Variants in POLA1 observed in about 807,000 individuals in gnomAD.
POLA1 encodes DNA polymerase alpha 1, catalytic subunit.
Under a neutral mutation model 124.0 loss-of-function variants are expected in POLA1, and 15 were observed. The ratio of observed to expected loss-of-function variants is 0.12; its 90% CI spans 0.08 to 0.19. The LOEUF is 0.19. POLA1 is among the 10% of genes least tolerant of loss of function. The pLI is 1.00. For synonymous variants in POLA1, 408 were observed against 389.4 expected (o/e 1.05, Z -0.56); for missense variants, 886 against 1,103.4 (o/e 0.80, Z 2.79).
chrX:24,908,081 T>C (rs1440467905), intron 35 of POLA1, among the ~76,000 whole-genome samples: 1 of 110,492 alleles, frequency 9.1e-6, no homozygotes, highest in African/African-American at 3.3e-5. Flanking sequence ...TTTGCAATGT[T>C]CAAATAACCA....
In POLA1 at chrX:24,723,234, C is replaced by A. The variant is rs11573338; in HGVS notation, c.1167C>A (p.Ile389=). Reference sequence around the variant, plus strand: ...GCTGTTGTGTCATGGTGAAAAATATCGAGCGAACGCTTTACTTCCTTCCCC... The same window carrying A: ...GCTGTTGTGTCATGGTGAAAAATATAGAGCGAACGCTTTACTTCCTTCCCC... ...HVSCCVMVKN[I]ERTLYFLPRE... Residue 389 remains isoleucine (I), a synonymous_variant, in exon 11 of 37, where the codon ATC becomes ATA. Transcript: ENST00000379068. The A allele has an allele frequency of 2.5e-6, 3 of 1,197,184 alleles. No individual in the cohort carries two copies. In the South Asian group the frequency reaches 5.3e-5, roughly 21 times the overall value.
At chrX:24,967,435 T>A (rs1006643273) in intron 36 of POLA1, among the ~76,000 whole-genome samples, 2 of 110,466 alleles carry the variant, frequency 1.8e-5, no homozygotes, top group Non-Finnish European at 3.8e-5. Flanking sequence ...TTTGGGAGGC[T>A]GAGGTGGGCA....
chrX:24,936,291 T>TGG (rs1277639055), intron 36 of POLA1, among the ~76,000 whole-genome samples: 1 of 112,059 alleles, frequency 8.9e-6, no homozygotes, highest in Non-Finnish European at 1.9e-5. Flanking sequence ...AGTCTCAAGA[T>TGG]GGGTCCCATT....
rs2045679650 is a variant in POLA1, at chrX:24,800,065, CA to C, written c.2965-9830del. On this transcript the variant is annotated intron_variant, in intron 26 of 36. Transcript: ENST00000379068. ...TTATATGAGGAGTCAGTCAGGAAGC[CA>C]AATCTCTGAGCCTTTTCACATATAC... Among the ~76,000 whole-genome samples, 3 of 111,396 alleles carry C rather than the reference CA, an allele frequency of 2.7e-5. No individual in the cohort carries two copies. The South Asian group carries it at 1.1e-3, about 43-fold the overall frequency.
chrX:24,905,737 A>G (rs2047358086), intron 35 of POLA1, among the ~76,000 whole-genome samples: 5 of 110,634 alleles, frequency 4.5e-5, no homozygotes, highest in Admixed American at 3.8e-4. Context: ...TAATTTTTGT[A>G]TTTTTAGTAG....
intron 30 of POLA1, among the ~76,000 whole-genome samples, chrX:24,816,715 A>G (rs2038524334): frequency 9.0e-6 from 1 of 111,658 alleles, no homozygotes; most frequent in Admixed American, 9.5e-5. Flanking sequence ...TTTCTATCAC[A>G]AGGGCTTCCA....
intron 26 of POLA1, among the ~76,000 whole-genome samples, chrX:24,788,128 A>G (rs909348584): frequency 8.9e-6 from 1 of 112,083 alleles, no homozygotes; most frequent in Non-Finnish European, 1.9e-5. Flanking sequence ...GATAATCTCA[A>G]TAGATGCAGA....
At chrX:24,736,658 G>A (rs896170391) in intron 18 of POLA1, among the ~76,000 whole-genome samples, 3 of 111,942 alleles carry the variant, frequency 2.7e-5, no homozygotes, top group African/African-American at 9.7e-5. Context: ...ATATCTAGTG[G>A]TAAAATACAT....
At position 24,703,680 on chromosome X, in the gene POLA1, C is replaced by G. The variant is rs753451288; in HGVS notation, c.265+333C>G. Reference sequence around the variant, plus strand: ...CGCTTGGAATTAAGGAATGCAGGTTCGGGATCCATCATTCCTACTTTCCAA... The same window carrying G: ...CGCTTGGAATTAAGGAATGCAGGTTGGGGATCCATCATTCCTACTTTCCAA... On this transcript the variant is annotated intron_variant, in intron 3 of 36. Coordinates refer to ENST00000379068, the MANE Select transcript of POLA1 (RefSeq NM_001330360.2). Among the ~76,000 whole-genome samples the G allele has an allele frequency of 4.4e-3, 490 of 111,881 alleles. 2 individuals are homozygous for G. The highest frequency in any genetic ancestry group is 8.0e-3 in the Non-Finnish European group (427 of 53,138).
At chrX:24,990,431 TCTC>T (rs2048522218) in intron 36 of POLA1, among the ~76,000 whole-genome samples, 1 of 112,295 alleles carries the variant, frequency 8.9e-6, no homozygotes, top group African/African-American at 3.2e-5. Context: ...GTATTCCAGT[TCTC>T]CTCCCTTCCT....
intron 32 of POLA1, among the ~76,000 whole-genome samples, chrX:24,830,634 C>T (rs1057109997): frequency 2.7e-5 from 3 of 111,618 alleles, no homozygotes; most frequent in Non-Finnish European, 5.6e-5. Context: ...ACTTGAAACT[C>T]TTAGCTTTTG....
chrX:24,757,479 G>C (rs1373277617), intron 26 of POLA1, among the ~76,000 whole-genome samples: 1 of 81,587 alleles, frequency 1.2e-5, no homozygotes, highest in African/African-American at 6.2e-5. Context: ...TTGCTCTGTT[G>C]CCCAGGCTGG....
At chrX:24,749,857 A>G (rs1312317152) in intron 26 of POLA1, among the ~76,000 whole-genome samples, 1 of 112,421 alleles carries the variant, frequency 8.9e-6, no homozygotes, top group Non-Finnish European at 1.9e-5. Flanking sequence ...CTGTTTTAGT[A>G]CTATGTGCAT....
intron 36 of POLA1, among the ~76,000 whole-genome samples, chrX:24,942,816 GC>G (rs1195678677): frequency 9.0e-6 from 1 of 111,607 alleles, no homozygotes; most frequent in Non-Finnish European, 1.9e-5. Flanking sequence ...CCAGTCCCCC[GC>G]CCCTAGTAGC....
chrX:24,806,614 A>G (rs1015138846), intron 26 of POLA1, among the ~76,000 whole-genome samples: 1 of 111,645 alleles, frequency 9.0e-6, no homozygotes, highest in African/African-American at 3.3e-5. Flanking sequence ...AGTGAGGCCC[A>G]CTGAAAAGAT....
intron 26 of POLA1, among the ~76,000 whole-genome samples, chrX:24,794,000 C>CTT (rs2148472825): frequency 9.1e-6 from 1 of 109,597 alleles, no homozygotes; most frequent in African/African-American, 3.3e-5. Context: ...CTGAGTCTCT[C>CTT]TCTCTCTCTA....
intron 26 of POLA1, among the ~76,000 whole-genome samples, chrX:24,759,162 G>A (rs1320750222): frequency 3.6e-5 from 4 of 111,787 alleles, no homozygotes; most frequent in Admixed American, 9.5e-5. Flanking sequence ...TAAAATTCCA[G>A]GGCTTCTTTC....
At chrX:24,858,952 A>C (rs1255546661) in intron 34 of POLA1, among the ~76,000 whole-genome samples, 1 of 111,535 alleles carries the variant, frequency 9.0e-6, no homozygotes, top group Non-Finnish European at 1.9e-5. Context: ...TACTGTACCT[A>C]GTTTGTCCCT....
chrX:24,777,461 T>G (rs1311646958), intron 26 of POLA1, among the ~76,000 whole-genome samples: 3 of 112,547 alleles, frequency 2.7e-5, no homozygotes, highest in African/African-American at 9.7e-5. Context: ...GTTGAATATA[T>G]TTTTTCAAAT....
Sources: gnomAD v4.1 joint callset for allele counts (sites outside exome capture counted in the v4.1 genomes callset) on GRCh38, gnomAD v4.1.1 for gene constraint, MANE v1.5 for transcripts, NCBI Gene and HGNC (gene_info 2026-07-23, HGNC 2026-07-21) for gene names.